KAZN: variants seen among roughly 807,000 people sequenced by gnomAD.
The protein encoded by KAZN is kazrin, periplakin interacting protein.
A neutral mutation model predicts 87.4 loss-of-function variants in KAZN; 40 were observed. The ratio of observed to expected loss-of-function variants is 0.46; its 90% confidence interval spans 0.36 to 0.60. The LOEUF (loss-of-function observed/expected upper bound fraction) is 0.60. Ranked by LOEUF, KAZN falls within the 20% of genes least tolerant of loss-of-function variation. The pLI, the probability that KAZN is intolerant of heterozygous loss-of-function variation, is 0.00. For synonymous variants in KAZN, 466 were observed against 458.3 expected, an observed-to-expected ratio of 1.02 and a Z score of -0.22; for missense variants, 898 against 1,073.9, an observed-to-expected ratio of 0.84 and a Z score of 2.29.
intron 1 of KAZN, among the ~76,000 whole-genome samples, chr1:13,963,969 A>G (rs143061606): frequency 2.6e-5 from 4 of 152,330 alleles, no homozygotes; most frequent in African/African-American, 9.6e-5. Context: ...GGATAAGAGT[A>G]TCTACCTCCT....
At chr1:14,000,778 CATG>C (rs935024929) in intron 1 of KAZN, among the ~76,000 whole-genome samples, 3 of 150,994 alleles carry the variant, frequency 2.0e-5, no homozygotes, top group African/African-American at 7.3e-5. Flanking sequence ...TTGCAGATGA[CATG>C]ATTTTTTTTG....
chr1:14,545,908 T>C (rs948116268), intron 2 of KAZN, among the ~76,000 whole-genome samples: 1 of 152,152 alleles, frequency 6.6e-6, no homozygotes, highest in Non-Finnish European at 1.5e-5. Context: ...TAGCCCCACT[T>C]AGCCCCACTG....
At chr1:14,054,608 A>G (rs1642473814) in intron 1 of KAZN, among the ~76,000 whole-genome samples, 1 of 152,258 alleles carries the variant, frequency 6.6e-6, no homozygotes, top group African/African-American at 2.4e-5. Context: ...TTCCACTTTA[A>G]TAAAAGAGAT....
chr1:14,915,141 C>T (rs866776934), intron 1 of KAZN, among the ~76,000 whole-genome samples: 2 of 152,092 alleles, frequency 1.3e-5, no homozygotes, highest in Admixed American at 6.5e-5. Context: ...GAGCCAAGAT[C>T]GTGCCATTGC....
At chr1:14,366,982 A>G (rs943561915) in intron 2 of KAZN, among the ~76,000 whole-genome samples, 6 of 152,272 alleles carry the variant, frequency 3.9e-5, no homozygotes, top group Admixed American at 6.5e-5. Context: ...CTGTAATCCC[A>G]GCACTCTGGG....
intron 2 of KAZN, among the ~76,000 whole-genome samples, chr1:14,515,032 C>T (rs180813869): frequency 6.6e-6 from 1 of 152,230 alleles, no homozygotes. Context: ...TTTTATTTCA[C>T]ACTGTGCTCC....
At position 14,916,738 on chromosome 1, in the gene KAZN, C is replaced by T. The variant is rs141268122; in HGVS notation, c.227-43946C>T. On this transcript the variant is annotated intron_variant, in intron 1 of 14. Transcript: ENST00000376030. ...GGCAGCTTGGGCAACACAGTGAGACCCTATATCTACAAAAAAAATTAAAAA... is the reference window on the plus strand; with the variant it reads ...GGCAGCTTGGGCAACACAGTGAGACTCTATATCTACAAAAAAAATTAAAAA... Among the ~76,000 whole-genome samples the T allele has an allele frequency of 4.3e-3, 659 of 151,746 alleles. 8 individuals carry two copies. Among genetic ancestry groups the T allele is most frequent in the African/African-American group, 0.015 (614 of 41,298 alleles).
At chr1:14,067,094 C>T (rs908687996) in intron 1 of KAZN, among the ~76,000 whole-genome samples, 2 of 152,022 alleles carry the variant, frequency 1.3e-5, no homozygotes, top group Admixed American at 6.6e-5. Context: ...ATCTAGTATT[C>T]TTTATTTACC....
chr1:15,088,590 T>C (rs1640378929), intron 8 of KAZN, among the ~76,000 whole-genome samples: 1 of 152,080 alleles, frequency 6.6e-6, no homozygotes, highest in Non-Finnish European at 1.5e-5. Flanking sequence ...TTATTCCCTC[T>C]CTCAAGACTG....
chr1:14,456,167 C>T (rs1004309717), intron 2 of KAZN, among the ~76,000 whole-genome samples: 13 of 152,230 alleles, frequency 8.5e-5, no homozygotes, highest in African/African-American at 3.1e-4. Flanking sequence ...TACTATGTAA[C>T]ACATTGCCCC....
intron 1 of KAZN, among the ~76,000 whole-genome samples, chr1:14,771,539 G>A (rs1337782136): frequency 1.3e-5 from 2 of 152,002 alleles, no homozygotes; most frequent in South Asian, 2.1e-4. Flanking sequence ...AAGAGTCTAG[G>A]ATAGGCCTGG....
intron 1 of KAZN, among the ~76,000 whole-genome samples, chr1:14,060,362 CAAAAA>C (rs56206554): frequency 1.6e-4 from 16 of 100,616 alleles, no homozygotes; most frequent in African/African-American, 1.7e-4. Flanking sequence ...GACTCCACCT[CAAAAA>C]AAAAAAAAAA....
intron 2 of KAZN, among the ~76,000 whole-genome samples, chr1:14,362,159 C>T (rs1403444430): frequency 6.6e-6 from 1 of 152,170 alleles, no homozygotes; most frequent in African/African-American, 2.4e-5. Context: ...AGGCACTCTT[C>T]AAGGCAGCAT....
At chr1:14,965,982 C>CTTTTTTTTT (rs71306999) in intron 2 of KAZN, among the ~76,000 whole-genome samples, 1 of 129,174 alleles carries the variant, frequency 7.7e-6, no homozygotes, top group African/African-American at 3.0e-5. Context: ...CTTTCCTTTT[C>CTTTTTTTTT]TTTTTTTTTT....
rs771119337 is a variant in KAZN, at chr1:15,094,301, G to A, written c.1344G>A (p.Ala448=). ...VRTTPMSHWK[A]GTVQAWLEVV... Reference sequence around the variant, plus strand: ...CCACCCCTATGTCCCACTGGAAGGCGGGCACCGTCCAGGCCTGGCTGGAGG... The same window carrying A: ...CCACCCCTATGTCCCACTGGAAGGCAGGCACCGTCCAGGCCTGGCTGGAGG... The change falls in exon 9 of 15, where the codon GCG becomes GCA. Residue 448 remains alanine, a synonymous_variant. Transcript: ENST00000376030. The surrounding 1 kb of genome is among the most constrained non-coding windows in gnomAD (Gnocchi z 4.5). 37 of 1,613,844 alleles carry A rather than the reference G, an allele frequency of 2.3e-5. No homozygotes were observed. Among genetic ancestry groups the A allele is most frequent in the Middle Eastern group, 1.6e-4 (1 of 6,084 alleles).
At chr1:14,626,662 G>A (rs558760714) in intron 1 of KAZN, among the ~76,000 whole-genome samples, 1 of 152,286 alleles carries the variant, frequency 6.6e-6, no homozygotes, top group South Asian at 2.1e-4. Flanking sequence ...CCACCTCGGT[G>A]GTTCTCTGTG....
At chr1:14,015,025 G>C (rs1640498077) in intron 1 of KAZN, among the ~76,000 whole-genome samples, 1 of 152,048 alleles carries the variant, frequency 6.6e-6, no homozygotes, top group South Asian at 2.1e-4. Context: ...CTCTAGTCTT[G>C]CAATTTCACT....
At chr1:14,408,631 T>C (rs1373423119) in intron 2 of KAZN, among the ~76,000 whole-genome samples, 3 of 152,184 alleles carry the variant, frequency 2.0e-5, no homozygotes, top group Non-Finnish European at 4.4e-5. Context: ...AACCTTCTTA[T>C]AAGGACACTT....
At chr1:14,216,855 G>C (rs1356953430) in intron 2 of KAZN, among the ~76,000 whole-genome samples, 1 of 152,156 alleles carries the variant, frequency 6.6e-6, no homozygotes, top group African/African-American at 2.4e-5. Flanking sequence ...AGTGAGCTGA[G>C]ATCTCACCAT....
Sources: gnomAD v4.1 joint callset for allele counts (sites outside exome capture counted in the v4.1 genomes callset) on GRCh38, gnomAD v4.1.1 for gene constraint, Gnocchi (gnomAD v3.1) non-coding constraint, MANE v1.5 for transcripts, NCBI Gene and HGNC (gene_info 2026-07-23, HGNC 2026-07-21) for gene names.